Variants in ABCG2 observed in about 807,000 individuals in gnomAD.
ABCG2 encodes ATP binding cassette subfamily G member 2 (JR blood group).
A neutral mutation model predicts 73.5 loss-of-function variants in ABCG2; 80 were observed. The observed-to-expected ratio is 1.09, with a 90% CI of 0.91 to 1.31. The LOEUF is 1.31. Among genes scored for constraint, ABCG2 ranks in the 50% most tolerant of loss-of-function variants. ABCG2 has a pLI of 0.00. For missense variants in ABCG2, 796 were observed against 786.2 expected, an observed-to-expected ratio of 1.01 and a Z score of -0.15; for synonymous variants, 269 against 282.4, an observed-to-expected ratio of 0.95 and a Z score of 0.48.
chr4:88,101,857 T>G (rs1466702600), intron 10 of ABCG2, among the ~76,000 whole-genome samples: 1 of 152,222 alleles, frequency 6.6e-6, no homozygotes, highest in Non-Finnish European at 1.5e-5. Flanking sequence ...ATTTCTGTTG[T>G]TTAAGCCACT....
At chr4:88,209,309 CAAAA>C (rs60027656) in intron 1 of ABCG2, among the ~76,000 whole-genome samples, 1 of 81,466 alleles carries the variant, frequency 1.2e-5, no homozygotes, top group Non-Finnish European at 2.4e-5. Context: ...GACTCCATCT[CAAAA>C]AAAAAAAAAA....
upstream of ABCG2, chr4:88,159,370 C>T: frequency 5.6e-6 from 2 of 359,436 alleles, no homozygotes; most frequent in Non-Finnish European, 1.1e-5. Context: ...GCTTGCGCCC[C>T]AGGGCCTAAA....
At position 88,091,704 on chromosome 4, in the gene ABCG2, A is replaced by G. The variant is rs778502653; in HGVS notation, c.*530T>C. On this transcript the variant is annotated 3_prime_UTR_variant, in exon 16 of 16. Coordinates refer to ENST00000237612, the MANE Select transcript of ABCG2 (RefSeq NM_004827.3). ...AATATCAGTAAGTTCTATTAACTTT[A>G]ATGTGCTTATCAAAAAGATTTTTTT... 2 of 152,566 alleles carry G rather than the reference A, an allele frequency of 1.3e-5. No individual in the cohort carries two copies. Among genetic ancestry groups the G allele is most frequent in the Non-Finnish European group, 2.9e-5 (2 of 68,334 alleles). 9.5% of individuals were successfully genotyped at this position (152,566 alleles called of 1,614,324 possible). A position where few individuals can be genotyped will look rare whatever the true frequency, so the allele number is the denominator to read the frequency against.
intron 1 of ABCG2, among the ~76,000 whole-genome samples, chr4:88,144,269 C>G (rs562437907): frequency 6.6e-6 from 1 of 152,228 alleles, no homozygotes; most frequent in African/African-American, 2.4e-5. Context: ...CCAGCCGATT[C>G]ATGTTATTTG....
At chr4:88,160,017 C>A (rs922283087), upstream of ABCG2, among the ~76,000 whole-genome samples, 8 of 152,000 alleles carry the variant, frequency 5.3e-5, no homozygotes, top group Middle Eastern at 3.4e-3. Context: ...CTGACGCAGG[C>A]AGATCACTTG....
intron 2 of ABCG2, among the ~76,000 whole-genome samples, chr4:88,134,193 C>A (rs1725091014): frequency 6.6e-6 from 1 of 152,028 alleles, no homozygotes; most frequent in Non-Finnish European, 1.5e-5. Flanking sequence ...TAATGATTAG[C>A]ACAGAGGCCA....
chr4:88,132,501 A>C (rs963370869), intron 3 of ABCG2, 75 bp downstream of exon 3: 86 of 1,484,978 alleles, frequency 5.8e-5, no homozygotes, highest in Middle Eastern at 1.7e-4. Flanking sequence ...ACCTGCTCGC[A>C]CACAAAAAAA....
chr4:88,139,807 T>C lies in ABCG2; in HGVS notation c.189A>G (p.Ile63Met). 6.2e-7 allele frequency: 1 copy of C among 1,613,266 alleles called. No homozygotes were observed. The highest frequency in any genetic ancestry group is 2.2e-5 in the East Asian group (1 of 44,878). The part of the protein sequence containing the change: ...LPCRKPVEKE[I>M]LSNINGIMKP... ...CATGTACATACTTGATATTCGATAA[T>C]ATTTCTTTCTCAACTGGTTTTCGAC... The change falls in exon 2 of 16, where the codon ATA becomes ATG. Residue 63 changes from isoleucine to methionine, a missense_variant. By Grantham distance (10) the Ile-to-Met change is conservative (BLOSUM62 1). Transcript: ENST00000237612.
chr4:88,154,179 T>C (rs188925253), intron 1 of ABCG2, among the ~76,000 whole-genome samples: 1 of 152,312 alleles, frequency 6.6e-6, no homozygotes, highest in African/African-American at 2.4e-5. Context: ...GGAACACTAG[T>C]TGCTTTTTTA....
chr4:88,099,538 C>T (rs1722251740), intron 11 of ABCG2, 90 bp from the exon 12 acceptor site: 29 of 1,367,928 alleles, frequency 2.1e-5, no homozygotes, highest in South Asian at 3.1e-5. Flanking sequence ...CCTCTGCTGA[C>T]AGCAGGGGTT....
intron 15 of ABCG2, among the ~76,000 whole-genome samples, chr4:88,092,787 A>G (rs1721725627): frequency 6.6e-6 from 1 of 152,226 alleles, no homozygotes; most frequent in South Asian, 2.1e-4. Flanking sequence ...TATCCCTGAT[A>G]AAGAAAATAT....
chr4:88,217,619 G>A (rs981383119), intron 1 of ABCG2, among the ~76,000 whole-genome samples: 1 of 151,436 alleles, frequency 6.6e-6, no homozygotes, highest in Non-Finnish European at 1.5e-5. Context: ...CCAAGATCAC[G>A]CCACAGCACT....
At position 88,113,543 on chromosome 4, in the gene ABCG2, G is replaced by C. The variant is rs1398860564; in HGVS notation, c.954C>G (p.Ile318Met). ...GCTTATCCTGCTTGGAAGGCTCTAT[G>C]ATCTCTGTGGCTTTGCAATCAGTGG... is the stretch of plus-strand genomic sequence containing the variant. ...NREEDFKATEIIEPSKQDKPL... is the reference protein window; with the variant it reads ...NREEDFKATEMIEPSKQDKPL... Residue 318 changes from isoleucine to methionine, a missense_variant, in exon 9 of 16, where the codon ATC becomes ATG. Coordinates refer to ENST00000237612, the MANE Select transcript of ABCG2 (RefSeq NM_004827.3). The C allele has an allele frequency of 6.2e-7, 1 of 1,612,744 alleles. No individual in the cohort carries two copies. The highest frequency in any genetic ancestry group is 8.5e-7 in the Non-Finnish European group (1 of 1,179,092).
intron 12 of ABCG2, among the ~76,000 whole-genome samples, 173 bp from the exon 13 acceptor site, chr4:88,097,780 C>T (rs1309436428): frequency 6.6e-6 from 1 of 152,238 alleles, no homozygotes; most frequent in African/African-American, 2.4e-5. Flanking sequence ...GTCCATGTAA[C>T]TGCATAAAGT....
At position 88,113,297 on chromosome 4, in the gene ABCG2, G is replaced by C. The variant is rs770526960; in HGVS notation, c.1194+6C>G. 6.2e-7 allele frequency: 1 copy of C among 1,611,642 alleles called. No homozygotes were observed. Among genetic ancestry groups the C allele is most frequent in the East Asian group, 2.2e-5 (1 of 44,868 alleles). On this transcript the variant is annotated splice_donor_region_variant and intron_variant, in intron 9 of 15. Transcript: ENST00000237612. ...TTTGAGTATTTCAAAAGAATCTGCT[G>C]GTTACCTGAGCTATAGAGGCCTGGG...
Position 88,175,716 on chromosome 4 carries a change from T to C in ABCG2, c.-19-35702A>G, listed in dbSNP as rs558179635. ...AAGGCCCTTCAAATTGCCTTCAAGT[T>C]AGTAGTCTCCGCGTGCATTCTTGCT... On this transcript the variant is annotated intron_variant, in intron 1 of 15. Transcript: ENST00000515655. Among the ~76,000 whole-genome samples, 4 of 152,332 alleles carry C rather than the reference T, an allele frequency of 2.6e-5. No homozygotes were observed. In the East Asian group the frequency reaches 7.7e-4, roughly 29 times the overall value.
intron 13 of ABCG2, 69 bp from the exon 14 acceptor site, chr4:88,095,678 T>A (rs2110173624): frequency 1.6e-6 from 2 of 1,220,212 alleles, no homozygotes; most frequent in East Asian, 4.9e-5. Context: ...GAGAATACCC[T>A]CTTCAAGTCC....
intron 7 of ABCG2, 80 bp from the exon 8 acceptor site, chr4:88,115,138 G>GA: frequency 1.1e-6 from 1 of 918,646 alleles, no homozygotes; most frequent in Non-Finnish European, 1.8e-6. Flanking sequence ...GGGTGAGGGA[G>GA]GTAAGGCTAG....
intron 1 of ABCG2, among the ~76,000 whole-genome samples, chr4:88,167,113 C>G (rs1257475297): frequency 1.6e-5 from 2 of 125,212 alleles, no homozygotes; most frequent in African/African-American, 6.1e-5. Flanking sequence ...AGGGTATCAA[C>G]AGGCCAAGTC....
Sources: allele counts gnomAD v4.1 joint callset (sites outside exome capture counted in the v4.1 genomes callset), GRCh38; gene constraint gnomAD v4.1.1; transcripts MANE v1.5; gene names NCBI Gene and HGNC (gene_info 2026-07-23, HGNC 2026-07-21).